TBL1XR1: variants seen among roughly 807,000 people sequenced by gnomAD.
The protein encoded by TBL1XR1 is TBL1X/Y related 1, also known as F-box-like/WD repeat-containing protein TBL1XR1.
TBL1XR1 carries 5 observed loss-of-function variants against 66.9 expected under a neutral mutation model. The ratio of observed to expected loss-of-function variants is 0.07; its 90% CI spans 0.04 to 0.16. The LOEUF is 0.16. Ranked by LOEUF, TBL1XR1 falls within the 10% of genes least tolerant of loss-of-function variation. The pLI is 1.00. For synonymous variants in TBL1XR1, 210 were observed against 206.0 expected (o/e 1.02, Z -0.17); for missense variants, 238 against 623.2 (o/e 0.38, Z 6.58).
At chr3:177,138,072 A>AC (rs1326433710) in intron 1 of TBL1XR1, among the ~76,000 whole-genome samples, 6 of 152,348 alleles carry the variant, frequency 3.9e-5, no homozygotes, top group African/African-American at 1.4e-4. Flanking sequence ...AAACAGACTG[A>AC]CAAAAAAACC....
chr3:177,173,694 A>AC (rs1454963261), intron 1 of TBL1XR1, among the ~76,000 whole-genome samples: 1 of 152,186 alleles, frequency 6.6e-6, no homozygotes, highest in Non-Finnish European at 1.5e-5. Context: ...CGTGGAAAAA[A>AC]CCGGAGAAAT....
chr3:177,080,980 G>A (rs1241586773), intron 2 of TBL1XR1, among the ~76,000 whole-genome samples: 1 of 152,094 alleles, frequency 6.6e-6, no homozygotes, highest in Admixed American at 6.5e-5. Flanking sequence ...CTACAATCAA[G>A]AAAATCTTAG....
upstream of TBL1XR1, among the ~76,000 whole-genome samples, chr3:177,200,029 A>G (rs960896289): frequency 1.3e-5 from 2 of 151,830 alleles, no homozygotes; most frequent in South Asian, 2.1e-4. Flanking sequence ...CTAGAGTGCA[A>G]TGGCGGAATG....
chr3:177,028,631 T>C (rs1323100025), intron 14 of TBL1XR1, among the ~76,000 whole-genome samples: 1 of 152,076 alleles, frequency 6.6e-6, no homozygotes, highest in African/African-American at 2.4e-5. Context: ...TAAATGGAGG[T>C]ATAACGTATT....
At position 177,020,364 on chromosome 3, in the gene TBL1XR1, T is replaced by C. The variant is rs1208785920; in HGVS notation, c.*5134A>G. The C allele has an allele frequency of 2.0e-5, 3 of 152,208 alleles. No homozygotes were observed. The highest frequency in any genetic ancestry group is 7.2e-5 in the African/African-American group (3 of 41,468). The allele number at this position is 152,208 out of a possible 1,614,324, so 9.4% of individuals were successfully genotyped here. The stretch of plus-strand genomic sequence containing the variant: ...CCTTAGCTGATTAGATGCTCTATTA[T>C]ACTTTAATAAAAATAGTAAATAACC... On this transcript the variant is annotated 3_prime_UTR_variant, in exon 16 of 16. Transcript: ENST00000457928.
intron 2 of TBL1XR1, among the ~76,000 whole-genome samples, chr3:177,083,218 C>T (rs1022245265): frequency 3.3e-5 from 5 of 152,004 alleles, no homozygotes; most frequent in Non-Finnish European, 7.4e-5. Flanking sequence ...TTTTCAAAAA[C>T]CTGTTCGAAA....
Position 177,098,530 on chromosome 3 carries a change from CTGT to C in TBL1XR1, c.-113_-111del, listed in dbSNP as rs1194940307. On this transcript the variant is annotated 5_prime_UTR_variant, in exon 2 of 16. Transcript: ENST00000457928. ...TCCGGTCACCGCCAATCACAAGTTG[CTGT>C]TGTTGATGCTGAGGAAAAGGAAAGT... The C allele has an allele frequency of 1.0e-6, 1 of 985,726 alleles. No individual in the cohort carries two copies. The highest frequency in any genetic ancestry group is 1.2e-6 in the Non-Finnish European group (1 of 829,934). The allele number at this position is 985,726 out of a possible 1,614,324, so 61.1% of individuals were successfully genotyped here. A position where few individuals can be genotyped will look rare whatever the true frequency, so the allele number is the denominator to read the frequency against.
At chr3:177,029,802 T>TGTGGTG (rs3046449) in intron 14 of TBL1XR1, among the ~76,000 whole-genome samples, 4 of 151,970 alleles carry the variant, frequency 2.6e-5, no homozygotes, top group African/African-American at 7.3e-5. Flanking sequence ...ATTGAAAAAT[T>TGTGGTG]GTGGTGGTGG....
At chr3:177,039,907 A>T (rs922688622) in intron 10 of TBL1XR1, among the ~76,000 whole-genome samples, 3 of 152,226 alleles carry the variant, frequency 2.0e-5, no homozygotes, top group Non-Finnish European at 2.9e-5. Context: ...CTTTTTCACT[A>T]CAAGGGCAGA....
chr3:177,030,157 C>T (rs1445315476), intron 14 of TBL1XR1, among the ~76,000 whole-genome samples: 1 of 151,722 alleles, frequency 6.6e-6, no homozygotes, highest in Non-Finnish European at 1.5e-5. Context: ...GAGACAGACA[C>T]ACACAGAGAA....
chr3:177,181,534 G>C (rs965914829), intron 1 of TBL1XR1, among the ~76,000 whole-genome samples: 2 of 151,646 alleles, frequency 1.3e-5, no homozygotes, highest in Non-Finnish European at 2.9e-5. Flanking sequence ...TAGAAAACAC[G>C]GGAAAATACA....
chr3:177,178,323 T>C (rs1240051334), intron 1 of TBL1XR1, among the ~76,000 whole-genome samples: 2 of 152,146 alleles, frequency 1.3e-5, no homozygotes, highest in Non-Finnish European at 2.9e-5. Flanking sequence ...GCATCTAATA[T>C]AGTACCAGAT....
intron 2 of TBL1XR1, among the ~76,000 whole-genome samples, chr3:177,070,197 C>T (rs989748117): frequency 7.9e-5 from 12 of 152,242 alleles, no homozygotes; most frequent in Non-Finnish European, 1.5e-4. Context: ...TCATTAGCTA[C>T]AAATTTATTT....
intron 1 of TBL1XR1, among the ~76,000 whole-genome samples, chr3:177,140,606 TGGAAG>T (rs1729520593): frequency 6.6e-6 from 1 of 152,148 alleles, no homozygotes; most frequent in Admixed American, 6.5e-5. Context: ...CAACACGACC[TGGAAG>T]AAACAGTGGC....
chr3:177,086,883 G>A (rs1023997092), intron 2 of TBL1XR1: 7 of 151,390 alleles, frequency 4.6e-5, no homozygotes, highest in Admixed American at 3.9e-4. Flanking sequence ...CTTACATGTT[G>A]TAGCTATTAG....
intron 10 of TBL1XR1, among the ~76,000 whole-genome samples, chr3:177,040,270 G>A (rs980244314): frequency 4.6e-5 from 7 of 152,176 alleles, no homozygotes; most frequent in African/African-American, 1.7e-4. Context: ...AGCCGTGATT[G>A]CACCACTGCA....
At chr3:177,034,820 A>G (rs994652020) in intron 12 of TBL1XR1, among the ~76,000 whole-genome samples, 1 of 152,206 alleles carries the variant, frequency 6.6e-6, no homozygotes, top group African/African-American at 2.4e-5. Context: ...AAAAGTAGAA[A>G]AAAGTAGTCA....
chr3:177,132,816 C>T (rs6800882), intron 1 of TBL1XR1, among the ~76,000 whole-genome samples: 152,265 of 152,286 alleles, frequency 1, 76,122 homozygotes, highest in Middle Eastern at 1. Flanking sequence ...AAATCAGAGG[C>T]AGGCAGGGGC....
chr3:177,175,973 C>T lies in TBL1XR1; in HGVS notation c.-122+21148G>A, dbSNP rs939735591. Among the ~76,000 whole-genome samples the T allele has an allele frequency of 2.0e-5, 3 of 150,410 alleles. 1 individual carries two copies. The highest frequency in any genetic ancestry group is 1.3e-4 in the Admixed American group (2 of 15,068). Reference sequence around the variant, plus strand: ...TCAGGAGGCTGAGGCAGGAGAATGGCGGGTGAACCCAGGAGACAGAGCTTG... The same window carrying T: ...TCAGGAGGCTGAGGCAGGAGAATGGTGGGTGAACCCAGGAGACAGAGCTTG... On this transcript the variant is annotated intron_variant, in intron 1 of 15. Transcript: ENST00000457928.
Sources: allele counts gnomAD v4.1 joint callset (sites outside exome capture counted in the v4.1 genomes callset), GRCh38; gene constraint gnomAD v4.1.1; transcripts MANE v1.5; gene names NCBI Gene and HGNC (gene_info 2026-07-23, HGNC 2026-07-21).